ADAMTSL1: variants seen among roughly 807,000 people sequenced by gnomAD.
The protein encoded by ADAMTSL1 is ADAMTS-like protein 1.
Under a neutral mutation model 201.8 loss-of-function variants are expected in ADAMTSL1, and 126 were observed. That is an observed-to-expected ratio of 0.62 (90% CI 0.54 to 0.72). The LOEUF (loss-of-function observed/expected upper bound fraction) is 0.72, where lower values mean the gene tolerates loss of function less well. Ranked by LOEUF, ADAMTSL1 falls within the 30% of genes least tolerant of loss-of-function variation. The pLI is 0.00. For synonymous variants in ADAMTSL1, 1,121 were observed against 903.4 expected (o/e 1.24, Z -4.32); for missense variants, 2,679 against 2,277.8 (o/e 1.18, Z -3.59).
intron 2 of ADAMTSL1, among the ~76,000 whole-genome samples, chr9:18,196,688 G>T (rs1209193626): frequency 1.3e-5 from 2 of 152,032 alleles, no homozygotes; most frequent in Non-Finnish European, 2.9e-5. Context: ...ACAGCCTCCA[G>T]TCTCCATGAA....
intron 1 of ADAMTSL1, among the ~76,000 whole-genome samples, chr9:18,121,043 T>A (rs1334148626): frequency 1.3e-5 from 2 of 152,194 alleles, no homozygotes; most frequent in Non-Finnish European, 2.9e-5. Flanking sequence ...GGTGGAGTAC[T>A]GCAATGACAT....
rs1404008844 is a variant in ADAMTSL1, at chr9:18,087,299, T to C, written c.88-76563T>C. 4.6e-5 allele frequency among the ~76,000 whole-genome samples: 7 copies of C among 152,270 alleles called. No homozygotes were observed. In the East Asian group the frequency reaches 1.3e-3, roughly 29 times the overall value. ...AATTTAAGCAAAATATATTTAACAA[T>C]GAGTGTATTTTATGGAGGAAAACAA... On this transcript the variant is annotated intron_variant, in intron 1 of 29. Coordinates refer to the ADAMTSL1 transcript ENST00000680146.
chr9:18,359,834 C>G (rs867595493), intron 2 of ADAMTSL1, among the ~76,000 whole-genome samples: 5 of 116,920 alleles, frequency 4.3e-5, no homozygotes, highest in Non-Finnish European at 9.0e-5. Flanking sequence ...CCCGCCCCCC[C>G]GCCCACACAA....
At chr9:17,968,577 C>T (rs892102299) in intron 1 of ADAMTSL1, among the ~76,000 whole-genome samples, 3 of 152,034 alleles carry the variant, frequency 2.0e-5, no homozygotes, top group African/African-American at 7.2e-5. Context: ...TAGGTTGGCA[C>T]CATTGGCATT....
chr9:18,352,355 T>C (rs1836008775), intron 2 of ADAMTSL1, among the ~76,000 whole-genome samples: 1 of 152,192 alleles, frequency 6.6e-6, no homozygotes, highest in Non-Finnish European at 1.5e-5. Context: ...TTGTAAGTAG[T>C]CTTTGGATAA....
intron 21 of ADAMTSL1, among the ~76,000 whole-genome samples, chr9:18,820,590 T>C (rs1824150336): frequency 6.6e-6 from 1 of 152,242 alleles, no homozygotes; most frequent in Non-Finnish European, 1.5e-5. Flanking sequence ...GGCTATATAA[T>C]AGCCTATATT....
intron 23 of ADAMTSL1, among the ~76,000 whole-genome samples, chr9:18,867,855 T>C (rs1314374744): frequency 6.6e-6 from 1 of 152,074 alleles, no homozygotes; most frequent in Admixed American, 6.5e-5. Flanking sequence ...CTTGAACTCC[T>C]GACCTCGTGA....
chr9:18,500,262 C>T (rs903437450), intron 1 of ADAMTSL1, among the ~76,000 whole-genome samples: 2 of 152,190 alleles, frequency 1.3e-5, no homozygotes, highest in African/African-American at 4.8e-5. Flanking sequence ...AGATGTAAAC[C>T]ACGTTTAGAT....
At chr9:18,846,399 C>T (rs115924696) in intron 23 of ADAMTSL1, among the ~76,000 whole-genome samples, 2,296 of 152,140 alleles carry the variant, frequency 0.015, 50 homozygotes, top group African/African-American at 0.051. Context: ...AGGGGACGAG[C>T]GCTTCAGGTA....
In ADAMTSL1 at chr9:18,817,238, G is replaced by C. The variant is rs763960159; in HGVS notation, c.3934+1G>C. On this transcript the variant is annotated splice_donor_variant, in intron 21 of 28. Transcript: ENST00000380548. LOFTEE classifies it high-confidence loss of function. The stretch of plus-strand genomic sequence containing the variant: ...GTGACAATCAACTGCCAGGTTGCAG[G>C]TGAGAAATTAATGTTCATTTGTTCA... 3.2e-6 allele frequency: 5 copies of C among 1,552,654 alleles called. No individual in the cohort carries two copies. The South Asian group carries it at 6.0e-5, about 18-fold the overall frequency.
intron 1 of ADAMTSL1, among the ~76,000 whole-genome samples, chr9:17,999,497 A>G (rs1819523798): frequency 6.6e-6 from 1 of 152,108 alleles, no homozygotes; most frequent in Admixed American, 6.6e-5. Flanking sequence ...AAAGATTTAC[A>G]ATTGACATAT....
intron 26 of ADAMTSL1, among the ~76,000 whole-genome samples, chr9:18,898,892 A>T (rs1301710127): frequency 1.3e-5 from 2 of 152,212 alleles, no homozygotes; most frequent in Non-Finnish European, 2.9e-5. Flanking sequence ...AACCAGCACA[A>T]GACAAGGATG....
intron 1 of ADAMTSL1, among the ~76,000 whole-genome samples, chr9:17,981,974 G>A (rs1223655033): frequency 6.6e-6 from 1 of 152,158 alleles, no homozygotes; most frequent in Non-Finnish European, 1.5e-5. Flanking sequence ...TCAAGTGTGA[G>A]GTATTGATAA....
chr9:17,971,564 A>G (rs1360230), intron 1 of ADAMTSL1, among the ~76,000 whole-genome samples: 123,456 of 151,998 alleles, frequency 0.81, 50,538 homozygotes, highest in East Asian at 0.92. Context: ...TACCTGTACT[A>G]TTATTGGAAA....
intron 23 of ADAMTSL1, among the ~76,000 whole-genome samples, chr9:18,840,248 A>C (rs1000559099): frequency 2.0e-5 from 3 of 152,024 alleles, no homozygotes; most frequent in East Asian, 1.9e-4. Flanking sequence ...TCAGCTTTCT[A>C]CATATGGCTA....
At chr9:18,067,943 A>G (rs1220876508) in intron 1 of ADAMTSL1, among the ~76,000 whole-genome samples, 1 of 152,026 alleles carries the variant, frequency 6.6e-6, no homozygotes. Context: ...GTGAGCACAG[A>G]GGATTTAGAG....
At chr9:18,356,913 G>A (rs1381870125) in intron 2 of ADAMTSL1, among the ~76,000 whole-genome samples, 1 of 152,134 alleles carries the variant, frequency 6.6e-6, no homozygotes, top group Non-Finnish European at 1.5e-5. Context: ...TATCTATGCT[G>A]AGTTTAAAGT....
At chr9:18,783,060 G>GTGGCATGTGGAT (rs1321148396) in intron 19 of ADAMTSL1, among the ~76,000 whole-genome samples, 7 of 152,206 alleles carry the variant, frequency 4.6e-5, no homozygotes, top group African/African-American at 1.7e-4. Flanking sequence ...GGGCTAACTT[G>GTGGCATGTGGAT]TGGCATGTGG....
intron 23 of ADAMTSL1, among the ~76,000 whole-genome samples, chr9:18,836,187 A>G (rs1351107649): frequency 6.6e-6 from 1 of 152,054 alleles, no homozygotes; most frequent in Non-Finnish European, 1.5e-5. Flanking sequence ...TGATGCTTAA[A>G]TTGTAGCCAT....
Sources: gnomAD v4.1 joint callset for allele counts (sites outside exome capture counted in the v4.1 genomes callset) on GRCh38, gnomAD v4.1.1 for gene constraint, MANE v1.5 for transcripts, NCBI Gene and HGNC (gene_info 2026-07-23, HGNC 2026-07-21) for gene names.